Variants in CADM1 observed in about 807,000 individuals in gnomAD.
CADM1 encodes the protein cell adhesion molecule 1.
A neutral mutation model predicts 53.1 loss-of-function variants in CADM1; 15 were observed. The observed-to-expected ratio is 0.28, with a 90% CI of 0.19 to 0.44. The LOEUF (loss-of-function observed/expected upper bound fraction) is 0.44, where lower values mean the gene tolerates loss of function less well. CADM1 is among the 20% of genes least tolerant of loss of function. The pLI is 1.00. For missense variants in CADM1, 434 were observed against 611.3 expected, an observed-to-expected ratio of 0.71 and a Z score of 3.06; for synonymous variants, 281 against 243.0, an observed-to-expected ratio of 1.16 and a Z score of -1.45.
intron 1 of CADM1, among the ~76,000 whole-genome samples, chr11:115,503,780 C>A (rs1320768177): frequency 1.3e-5 from 2 of 151,884 alleles, no homozygotes; most frequent in Non-Finnish European, 2.9e-5. Flanking sequence ...AGAAATCACG[C>A]CGCGGGCGGC....
At chr11:115,306,918 T>G (rs909569568) in intron 1 of CADM1, among the ~76,000 whole-genome samples, 1 of 152,012 alleles carries the variant, frequency 6.6e-6, no homozygotes, top group Non-Finnish European at 1.5e-5. Context: ...AACTTATGGA[T>G]GCATTGCTTA....
intron 1 of CADM1, among the ~76,000 whole-genome samples, chr11:115,336,425 C>G (rs75460798): frequency 0.021 from 3,142 of 152,220 alleles, 43 homozygotes; most frequent in South Asian, 0.037. Flanking sequence ...AAAAGACTTT[C>G]AATTTATGTC....
chr11:115,483,856 A>T (rs1949310206), intron 1 of CADM1, among the ~76,000 whole-genome samples: 10 of 152,222 alleles, frequency 6.6e-5, no homozygotes, highest in Admixed American at 6.5e-4. Context: ...GTCACACGTG[A>T]CTAGTGGTTA....
chr11:115,499,667 C>T (rs1259768983), intron 1 of CADM1, among the ~76,000 whole-genome samples: 1 of 152,246 alleles, frequency 6.6e-6, no homozygotes, highest in Non-Finnish European at 1.5e-5. Flanking sequence ...CAGGATCTGT[C>T]GTTAACCTAG....
At chr11:115,402,276 G>T (rs1947178005) in intron 1 of CADM1, among the ~76,000 whole-genome samples, 1 of 152,166 alleles carries the variant, frequency 6.6e-6, no homozygotes, top group African/African-American at 2.4e-5. Context: ...TGTAATACCA[G>T]CACTTTGGGA....
intron 1 of CADM1, among the ~76,000 whole-genome samples, chr11:115,258,239 C>G (rs1942857882): frequency 6.6e-6 from 1 of 152,082 alleles, no homozygotes; most frequent in Non-Finnish European, 1.5e-5. Flanking sequence ...TTTCTGCTGC[C>G]CATTACTAGT....
rs1057196362 is a variant in CADM1 at position 115,174,546 on chromosome 11, C to T, written c.*1928G>A. 1.0e-6 allele frequency: 1 copy of T among 985,270 alleles called. No individual in the cohort carries two copies. The highest frequency in any genetic ancestry group is 1.8e-5 in the African/African-American group (1 of 57,072). 61.0% of individuals were successfully genotyped at this position (985,270 alleles called of 1,614,324 possible). Reference sequence around the variant, plus strand: ...TTTTCTTTTACATACCAGTCCGTTCCCAAAAGGCCCCCATATTGCAATGGT... The same window carrying T: ...TTTTCTTTTACATACCAGTCCGTTCTCAAAAGGCCCCCATATTGCAATGGT... On this transcript the variant is annotated 3_prime_UTR_variant, in exon 12 of 12. Coordinates refer to ENST00000331581, the MANE Select transcript of CADM1 (RefSeq NM_001301043.2).
chr11:115,210,275 A>C (rs1940898151), intron 7 of CADM1, among the ~76,000 whole-genome samples: 1 of 152,236 alleles, frequency 6.6e-6, no homozygotes, highest in Non-Finnish European at 1.5e-5. Context: ...AAAGTCAATA[A>C]ATTTTACAAC....
At chr11:115,262,743 G>A (rs1943013909) in intron 1 of CADM1, among the ~76,000 whole-genome samples, 1 of 151,530 alleles carries the variant, frequency 6.6e-6, no homozygotes, top group Non-Finnish European at 1.5e-5. Flanking sequence ...TGATAAATGA[G>A]GATTCATTTT....
At position 115,407,873 on chromosome 11, in the gene CADM1, TAAAAAAAAAAAAAAAAAA is replaced by T. The variant is rs148209064; in HGVS notation, c.124+96380_124+96397del. Among the ~76,000 whole-genome samples the T allele has an allele frequency of 2.4e-3, 77 of 31,756 alleles. 1 individual carries two copies. In the East Asian group the frequency reaches 0.044, roughly 18 times the overall value. The allele number at this position is 31,756 out of a possible 152,430, so 20.8% of individuals were successfully genotyped here. On this transcript the variant is annotated intron_variant, in intron 1 of 11. Transcript: ENST00000331581. ...AGAAGGAAAGTAAGACCCTGTCATT[TAAAAAAAAAAAAAAAAAA>T]AAAAAAAAAAAAAAAGGCAGAGTTG...
chr11:115,302,998 A>G (rs185200861), intron 1 of CADM1, among the ~76,000 whole-genome samples: 18 of 152,228 alleles, frequency 1.2e-4, no homozygotes, highest in Admixed American at 2.0e-4. Context: ...CTAGACATGA[A>G]AACAAACCAA....
At chr11:115,488,643 C>T (rs1293481888) in intron 1 of CADM1, among the ~76,000 whole-genome samples, 1 of 152,164 alleles carries the variant, frequency 6.6e-6, no homozygotes, top group Non-Finnish European at 1.5e-5. Flanking sequence ...TCTGCCTACA[C>T]ATGAAATCTC....
chr11:115,319,046 A>G (rs991518659), intron 1 of CADM1, among the ~76,000 whole-genome samples: 4 of 152,172 alleles, frequency 2.6e-5, no homozygotes, highest in African/African-American at 9.6e-5. Flanking sequence ...CATTTTTTAT[A>G]GACAAGAATG....
chr11:115,253,537 T>C (rs1227122103), intron 1 of CADM1, among the ~76,000 whole-genome samples: 1 of 152,192 alleles, frequency 6.6e-6, no homozygotes, highest in East Asian at 1.9e-4. Context: ...TTGTTTAGTT[T>C]GATAACTATA....
chr11:115,396,442 T>C (rs546723608), intron 1 of CADM1, among the ~76,000 whole-genome samples: 6 of 152,350 alleles, frequency 3.9e-5, no homozygotes, highest in African/African-American at 1.4e-4. Context: ...TCCTTAGTGC[T>C]GGCTTTTTGG....
intron 7 of CADM1, among the ~76,000 whole-genome samples, chr11:115,210,843 T>C (rs9645660): frequency 0.57 from 86,300 of 151,986 alleles, 25,575 homozygotes; most frequent in East Asian, 0.82. Context: ...TAAAATGATA[T>C]CTACCATCGA....
intron 1 of CADM1, among the ~76,000 whole-genome samples, chr11:115,482,971 C>T (rs1179897127): frequency 1.3e-5 from 2 of 152,172 alleles, no homozygotes; most frequent in African/African-American, 4.8e-5. Flanking sequence ...ATTGGGCAAG[C>T]AGTGAACACG....
chr11:115,270,436 A>G (rs981961196), intron 1 of CADM1, among the ~76,000 whole-genome samples: 1 of 152,142 alleles, frequency 6.6e-6, no homozygotes, highest in African/African-American at 2.4e-5. Flanking sequence ...ATAAATATCA[A>G]TCTATTCCCC....
intron 1 of CADM1, among the ~76,000 whole-genome samples, chr11:115,494,180 G>T (rs1286888667): frequency 6.6e-6 from 1 of 152,086 alleles, no homozygotes; most frequent in Non-Finnish European, 1.5e-5. Flanking sequence ...ACAGTTGATG[G>T]ATCTAGGTAA....
Sources: allele counts gnomAD v4.1 joint callset (sites outside exome capture counted in the v4.1 genomes callset), GRCh38; gene constraint gnomAD v4.1.1; transcripts MANE v1.5; gene names NCBI Gene and HGNC (gene_info 2026-07-23, HGNC 2026-07-21).